Variants in CTNNA3 observed in about 807,000 individuals in gnomAD.
The protein encoded by CTNNA3 is catenin alpha 3.
A neutral mutation model predicts 95.7 loss-of-function variants in CTNNA3; 76 were observed. That is an observed-to-expected ratio of 0.79 (90% CI 0.66 to 0.96). CTNNA3 has a LOEUF of 0.96. CTNNA3 is among the 40% of genes least tolerant of loss of function. The pLI is 0.00. For synonymous variants in CTNNA3, 431 were observed against 374.4 expected (o/e 1.15, Z -1.74); for missense variants, 1,191 against 1,089.8 (o/e 1.09, Z -1.31).
intron 11 of CTNNA3, among the ~76,000 whole-genome samples, chr10:66,387,887 C>A (rs1373104993): frequency 6.6e-6 from 1 of 152,054 alleles, no homozygotes; most frequent in African/African-American, 2.4e-5. Flanking sequence ...TTGGTGGGAA[C>A]TGAACAATGA....
At chr10:66,268,268 C>T (rs985000394) in intron 13 of CTNNA3, among the ~76,000 whole-genome samples, 2 of 152,020 alleles carry the variant, frequency 1.3e-5, no homozygotes, top group Non-Finnish European at 2.9e-5. Context: ...CCTTTGAATC[C>T]GGGAGGCTTT....
At chr10:66,485,263 A>G (rs1244482127) in intron 11 of CTNNA3, among the ~76,000 whole-genome samples, 1 of 152,158 alleles carries the variant, frequency 6.6e-6, no homozygotes, top group East Asian at 1.9e-4. Context: ...TTTTAAACAA[A>G]AGGTATCCAA....
chr10:67,689,212 CT>C (rs1283051252), intron 1 of CTNNA3, among the ~76,000 whole-genome samples: 1 of 152,156 alleles, frequency 6.6e-6, no homozygotes, highest in Non-Finnish European at 1.5e-5. Flanking sequence ...AAGAGTGATG[CT>C]TTTTGTCCTC....
At chr10:66,959,326 A>G (rs753821438) in intron 7 of CTNNA3, among the ~76,000 whole-genome samples, 4 of 152,218 alleles carry the variant, frequency 2.6e-5, no homozygotes, top group Non-Finnish European at 4.4e-5. Context: ...TCTTTGAGCT[A>G]GAAACCAAGA....
upstream of CTNNA3, among the ~76,000 whole-genome samples, chr10:67,700,472 A>C (rs1405860763): frequency 6.6e-6 from 1 of 152,154 alleles, no homozygotes; most frequent in African/African-American, 2.4e-5. Context: ...GGTTCACGAA[A>C]ATCCGCTGTT....
intron 15 of CTNNA3, among the ~76,000 whole-genome samples, chr10:65,992,659 T>C (rs2078568951): frequency 6.6e-6 from 1 of 152,034 alleles, no homozygotes; most frequent in Non-Finnish European, 1.5e-5. Flanking sequence ...TGCTAGCAGG[T>C]TATTTAATTT....
chr10:66,205,242 G>A (rs571744679), intron 13 of CTNNA3, among the ~76,000 whole-genome samples: 3 of 151,890 alleles, frequency 2.0e-5, no homozygotes, highest in Non-Finnish European at 4.4e-5. Flanking sequence ...CTTGGAAACT[G>A]TGACTTTAAT....
At chr10:66,267,706 ATGT>A (rs1441474631) in intron 13 of CTNNA3, among the ~76,000 whole-genome samples, 3 of 152,158 alleles carry the variant, frequency 2.0e-5, no homozygotes, top group Non-Finnish European at 4.4e-5. Flanking sequence ...TCTTCATTGT[ATGT>A]TTCCCATGTT....
At chr10:67,661,716 G>A (rs1250443886) in intron 1 of CTNNA3, among the ~76,000 whole-genome samples, 3 of 150,950 alleles carry the variant, frequency 2.0e-5, no homozygotes, top group Admixed American at 6.6e-5. Flanking sequence ...CTTTAAATGG[G>A]CAAAAAAAAA....
intron 6 of CTNNA3, among the ~76,000 whole-genome samples, chr10:67,208,892 G>A (rs1486009182): frequency 2.0e-5 from 3 of 152,082 alleles, no homozygotes; most frequent in African/African-American, 7.2e-5. Flanking sequence ...AGGAAGCCAA[G>A]AATATCAATA....
chr10:66,624,433 A>G (rs1442383691), intron 9 of CTNNA3, among the ~76,000 whole-genome samples: 1 of 152,172 alleles, frequency 6.6e-6, no homozygotes, highest in Non-Finnish European at 1.5e-5. Flanking sequence ...TCATACTCTC[A>G]GAGGTTTTGT....
chr10:66,922,633 G>A (rs1846851138), intron 7 of CTNNA3, among the ~76,000 whole-genome samples: 2 of 152,176 alleles, frequency 1.3e-5, no homozygotes, highest in African/African-American at 4.8e-5. Context: ...GTTCCTGGAG[G>A]CTGACTCAGT....
intron 5 of CTNNA3, among the ~76,000 whole-genome samples, chr10:67,373,213 C>T (rs1843549793): frequency 1.3e-5 from 2 of 152,116 alleles, no homozygotes; most frequent in African/African-American, 2.4e-5. Context: ...CATCAGAGTG[C>T]TGTATTCAGG....
chr10:66,706,699 T>C (rs1289983298), intron 9 of CTNNA3, among the ~76,000 whole-genome samples: 2 of 152,060 alleles, frequency 1.3e-5, no homozygotes, highest in East Asian at 1.9e-4. Context: ...ACCCTAAAAA[T>C]TAATACTGAA....
At chr10:66,280,680 T>A in intron 12 of CTNNA3, 59 bp from the exon 13 acceptor site, 1 of 1,317,626 alleles carries the variant, frequency 7.6e-7, no homozygotes, top group Non-Finnish European at 1.0e-6. Context: ...ATTTATACAG[T>A]AGTTTCCAGG....
At chr10:66,975,313 A>G (rs540529775) in intron 7 of CTNNA3, among the ~76,000 whole-genome samples, 2 of 152,336 alleles carry the variant, frequency 1.3e-5, no homozygotes, top group East Asian at 3.9e-4. Context: ...AGTATGCACA[A>G]CATGCATGCT....
intron 4 of CTNNA3, among the ~76,000 whole-genome samples, chr10:67,534,917 G>A (rs1418650937): frequency 6.6e-6 from 1 of 152,100 alleles, no homozygotes; most frequent in Non-Finnish European, 1.5e-5. Flanking sequence ...TTAAGAGCAA[G>A]AAGAACCCAG....
rs572454252 is a variant in CTNNA3 at position 66,075,257 on chromosome 10, G to A, written c.1978-5768C>T. On this transcript the variant is annotated intron_variant, in intron 14 of 17. Transcript: ENST00000433211. ...AAATGACTATAATTACCCCTTAAAA[G>A]AGACAAAAGGAAAAGAAAGGAAAAA... Among the ~76,000 whole-genome samples the A allele has an allele frequency of 2.1e-4, 32 of 151,682 alleles. No individual in the cohort carries two copies. The South Asian group carries it at 4.4e-3, about 21-fold the overall frequency.
intron 7 of CTNNA3, among the ~76,000 whole-genome samples, chr10:66,981,316 C>A (rs1850428259): frequency 6.6e-6 from 1 of 152,176 alleles, no homozygotes; most frequent in Non-Finnish European, 1.5e-5. Flanking sequence ...TCATCTATAT[C>A]TCTAAATATT....
Sources: gnomAD v4.1 joint callset for allele counts (sites outside exome capture counted in the v4.1 genomes callset) on GRCh38, gnomAD v4.1.1 for gene constraint, MANE v1.5 for transcripts, NCBI Gene and HGNC (gene_info 2026-07-23, HGNC 2026-07-21) for gene names.